Variants in GPC5 observed in about 807,000 individuals in gnomAD.
GPC5 encodes the protein glypican 5, also known as glypican-5.
In GPC5, 47 loss-of-function variants were observed where a neutral mutation model predicts 53.9. That is an observed-to-expected ratio of 0.87 (90% confidence interval 0.69 to 1.11). The LOEUF is 1.11. Ranked by LOEUF, GPC5 falls within the 50% of genes most tolerant of loss-of-function variation. The pLI, the probability that GPC5 is intolerant of heterozygous loss-of-function variation, is 0.00. For synonymous variants in GPC5, 286 were observed against 263.3 expected (o/e 1.09, Z -0.84); for missense variants, 748 against 713.1 (o/e 1.05, Z -0.56).
chr13:92,655,329 A>ATTTT (rs58531515), intron 7 of GPC5, among the ~76,000 whole-genome samples: 1 of 139,190 alleles, frequency 7.2e-6, no homozygotes, highest in Admixed American at 7.2e-5. Context: ...TTATTTATTT[A>ATTTT]TTTTATTTTT....
chr13:92,093,677 A>T (rs2041399017), intron 6 of GPC5, among the ~76,000 whole-genome samples: 1 of 152,186 alleles, frequency 6.6e-6, no homozygotes, highest in Non-Finnish European at 1.5e-5. Flanking sequence ...GTGCAATTCT[A>T]CTTCATTAGT....
In GPC5 at chr13:92,066,433, GA is replaced by G. The variant is rs773012733; in HGVS notation, c.1402-78384del. On this transcript the variant is annotated intron_variant, in intron 6 of 7. Coordinates refer to ENST00000377067, the MANE Select transcript of GPC5 (RefSeq NM_004466.6). ...AATTAGGTTTTGATAGAACAAACCTGAAAAAAAAAAAAAGAAAAAAAACAGC... is the reference window on the plus strand; with the variant it reads ...AATTAGGTTTTGATAGAACAAACCTGAAAAAAAAAAAAGAAAAAAAACAGC... Among the ~76,000 whole-genome samples, 332 of 116,332 alleles carry G rather than the reference GA, an allele frequency of 2.9e-3. 1 individual carries two copies. Among genetic ancestry groups the G allele is most frequent in the Admixed American group, 4.9e-3 (56 of 11,376 alleles). 76.3% of individuals were successfully genotyped at this position (116,332 alleles called of 152,430 possible).
intron 7 of GPC5, among the ~76,000 whole-genome samples, chr13:92,257,545 G>GTTTTTTTTTTTTTTTTTT (rs1566507028): frequency 4.6e-4 from 23 of 50,006 alleles, no homozygotes; most frequent in African/African-American, 8.5e-4. Context: ...CTAATACAGG[G>GTTTTTTTTTTTTTTTTTT]ATTTTTTTTT....
intron 7 of GPC5, among the ~76,000 whole-genome samples, chr13:92,539,521 T>G (rs1055453608): frequency 1.3e-5 from 2 of 152,088 alleles, no homozygotes; most frequent in African/African-American, 4.8e-5. Flanking sequence ...GGGTTGTTTA[T>G]TTTTTTCTTG....
chr13:92,172,487 C>T (rs1477645972), intron 7 of GPC5, among the ~76,000 whole-genome samples: 1 of 152,058 alleles, frequency 6.6e-6, no homozygotes, highest in Admixed American at 6.5e-5. Context: ...TTTGAGGGAT[C>T]TGAGAAGAAG....
In GPC5 at chr13:92,385,500, A is replaced by ATATG. The variant is rs1491267005; in HGVS notation, c.1561+240511_1561+240512insTATG. Among the ~76,000 whole-genome samples the ATATG allele has an allele frequency of 1.1e-3, 142 of 133,684 alleles. 6 individuals are homozygous for ATATG. The highest frequency in any genetic ancestry group is 2.2e-3 in the South Asian group (10 of 4,502). 87.7% of individuals were successfully genotyped at this position (133,684 alleles called of 152,430 possible). A position where few individuals can be genotyped will look rare whatever the true frequency, so the allele number is the denominator to read the frequency against. On this transcript the variant is annotated intron_variant, in intron 7 of 7. Transcript: ENST00000377067. ...TATACATATATACACATATATACATACATATACATATATACATACATATGC... is the reference window on the plus strand; with the variant it reads ...TATACATATATACACATATATACATATATGCATATACATATATACATACATATGC...
intron 6 of GPC5, among the ~76,000 whole-genome samples, chr13:92,064,104 G>C (rs547566376): frequency 2.6e-5 from 4 of 152,198 alleles, no homozygotes; most frequent in African/African-American, 9.6e-5. Context: ...AAATTTCTAA[G>C]TATAGGGACA....
At chr13:92,360,218 T>C (rs1261211999) in intron 7 of GPC5, among the ~76,000 whole-genome samples, 1 of 151,660 alleles carries the variant, frequency 6.6e-6, no homozygotes, top group Non-Finnish European at 1.5e-5. Flanking sequence ...TTAAAATCCT[T>C]AACAAAATAC....
At chr13:92,579,447 C>A (rs1185595430) in intron 7 of GPC5, among the ~76,000 whole-genome samples, 1 of 151,706 alleles carries the variant, frequency 6.6e-6, no homozygotes, top group South Asian at 2.1e-4. Flanking sequence ...GATACACTTG[C>A]TCTATTTGAG....
chr13:92,845,400 A>G (rs1399885437), intron 7 of GPC5, among the ~76,000 whole-genome samples: 4 of 152,094 alleles, frequency 2.6e-5, no homozygotes, highest in Non-Finnish European at 2.9e-5. Flanking sequence ...AACTAGGAGA[A>G]TCTACAATAT....
chr13:92,515,808 A>C (rs759188981), intron 7 of GPC5, among the ~76,000 whole-genome samples: 1 of 152,194 alleles, frequency 6.6e-6, no homozygotes, highest in Non-Finnish European at 1.5e-5. Context: ...CACTACCCTC[A>C]AACCCAGAAG....
intron 7 of GPC5, among the ~76,000 whole-genome samples, chr13:92,661,917 T>G (rs943503978): frequency 2.0e-5 from 3 of 152,180 alleles, no homozygotes; most frequent in African/African-American, 7.2e-5. Context: ...CCTGTTCTTC[T>G]TCAATATCTT....
intron 6 of GPC5, among the ~76,000 whole-genome samples, chr13:92,004,458 TTATATATATATATATATATA>T (rs58376767): frequency 3.6e-5 from 3 of 82,526 alleles, no homozygotes; most frequent in Non-Finnish European, 6.5e-5. Flanking sequence ...AAAAAAAAAA[TTATATATATATATATATATA>T]TATATATATA....
At chr13:92,036,692 T>G (rs1016553481) in intron 6 of GPC5, among the ~76,000 whole-genome samples, 30 of 152,208 alleles carry the variant, frequency 2.0e-4, no homozygotes, top group Non-Finnish European at 3.7e-4. Context: ...ACACTTAACA[T>G]CTCTCAAACA....
At chr13:91,804,600 A>G (rs1351218165) in intron 5 of GPC5, among the ~76,000 whole-genome samples, 1 of 152,196 alleles carries the variant, frequency 6.6e-6, no homozygotes, top group Non-Finnish European at 1.5e-5. Flanking sequence ...AGAGAGAGGG[A>G]GAGAGAGATG....
chr13:91,444,052 A>G (rs1348923329), intron 1 of GPC5, among the ~76,000 whole-genome samples: 1 of 152,130 alleles, frequency 6.6e-6, no homozygotes, highest in African/African-American at 2.4e-5. Flanking sequence ...CATGATCAAT[A>G]TCTCACTTTG....
intron 7 of GPC5, among the ~76,000 whole-genome samples, chr13:92,267,277 A>C (rs187475111): frequency 6.6e-6 from 1 of 152,144 alleles, no homozygotes; most frequent in African/African-American, 2.4e-5. Context: ...TTGCTAGATT[A>C]TATACTCTTT....
chr13:92,849,850 T>G (rs904671694), intron 7 of GPC5, among the ~76,000 whole-genome samples: 1 of 152,220 alleles, frequency 6.6e-6, no homozygotes, highest in Non-Finnish European at 1.5e-5. Flanking sequence ...GTATTTTTAA[T>G]CACAATAGTC....
intron 2 of GPC5, among the ~76,000 whole-genome samples, chr13:91,520,372 G>T (rs1885739042): frequency 6.6e-6 from 1 of 152,278 alleles, no homozygotes. Flanking sequence ...TTGCTTTGAA[G>T]GTATGTTTTG....
Sources: gnomAD v4.1 joint callset for allele counts (sites outside exome capture counted in the v4.1 genomes callset) on GRCh38, gnomAD v4.1.1 for gene constraint, MANE v1.5 for transcripts, NCBI Gene and HGNC (gene_info 2026-07-23, HGNC 2026-07-21) for gene names.